The following GRIK2 variants were observed in gnomAD, a reference collection of about 807,000 sequenced individuals.
The protein encoded by GRIK2 is glutamate ionotropic receptor kainate type subunit 2.
A neutral mutation model predicts 100.3 loss-of-function variants in GRIK2; 32 were observed. The ratio of observed to expected loss-of-function variants is 0.32; its 90% CI spans 0.24 to 0.43. GRIK2 has a LOEUF of 0.43. GRIK2 is among the 20% of genes least tolerant of loss of function. The pLI is 1.00. For missense variants in GRIK2, 843 were observed against 1,114.9 expected (o/e 0.76, Z 3.47); for synonymous variants, 417 against 389.4 (o/e 1.07, Z -0.83).
At position 101,928,397 on chromosome 6, in the gene GRIK2, T is replaced by TC. The variant is rs767777283; in HGVS notation, c.1868-13dup. ...AAATTCTCTATATTCGTTTCACCTTTCCCCCACTCTCTGTTAGGTTCTGAG... is the reference window on the plus strand; with the variant it reads ...AAATTCTCTATATTCGTTTCACCTTTCCCCCCACTCTCTGTTAGGTTCTGAG... On this transcript the variant is annotated splice_polypyrimidine_tract_variant and intron_variant, in intron 13 of 16. Transcript: ENST00000369134. 6 of 1,282,846 alleles carry TC rather than the reference T, an allele frequency of 4.7e-6. No homozygotes were observed. In the Admixed American group the frequency reaches 6.7e-5, roughly 14 times the overall value. 79.5% of individuals were successfully genotyped at this position (1,282,846 alleles called of 1,614,324 possible). A position where few individuals can be genotyped will look rare whatever the true frequency, so the allele number is the denominator to read the frequency against.
chr6:101,784,999 C>T (rs62419279), intron 7 of GRIK2, among the ~76,000 whole-genome samples: 7,024 of 152,102 alleles, frequency 0.046, 223 homozygotes, highest in Middle Eastern at 0.072. Context: ...TATTCAAACT[C>T]GGGTTAGATG....
At chr6:101,598,789 A>G (rs975439253) in intron 2 of GRIK2, among the ~76,000 whole-genome samples, 3 of 151,574 alleles carry the variant, frequency 2.0e-5, no homozygotes, top group African/African-American at 2.4e-5. Context: ...TTTTAACACC[A>G]GAGGCTATTA....
Position 101,850,311 on chromosome 6 carries a change from G to A in GRIK2, c.1318-8976G>A, listed in dbSNP as rs140897339. On this transcript the variant is annotated intron_variant, in intron 10 of 16. Transcript: ENST00000369134. ...TTCAGTGTTGTATACCTAGCACCTG[G>A]AAGAGTGTTGGGACAGAGTAAGAGT... 2.4e-3 allele frequency among the ~76,000 whole-genome samples: 370 copies of A among 152,084 alleles called. 3 individuals carry two copies. The highest frequency in any genetic ancestry group is 7.7e-3 in the African/African-American group (321 of 41,540).
At chr6:101,420,695 G>A (rs1028984471) in intron 2 of GRIK2, among the ~76,000 whole-genome samples, 3 of 152,122 alleles carry the variant, frequency 2.0e-5, no homozygotes, top group Non-Finnish European at 2.9e-5. Flanking sequence ...TCTGTGTCAG[G>A]TGCTGTGTGA....
At chr6:101,910,044 ACT>A (rs1394352394) in intron 12 of GRIK2, among the ~76,000 whole-genome samples, 3 of 150,840 alleles carry the variant, frequency 2.0e-5, no homozygotes, top group African/African-American at 7.3e-5. Flanking sequence ...TATTATTAAA[ACT>A]CTTAGTATAT....
intron 14 of GRIK2, among the ~76,000 whole-genome samples, chr6:101,994,324 T>A (rs537293516): frequency 6.6e-6 from 1 of 151,784 alleles, no homozygotes; most frequent in Non-Finnish European, 1.5e-5. Context: ...TACATAATGT[T>A]ATACATAGCA....
At chr6:101,890,944 T>TAA (rs1787014985) in intron 12 of GRIK2, among the ~76,000 whole-genome samples, 1 of 150,826 alleles carries the variant, frequency 6.6e-6, no homozygotes, top group African/African-American at 2.4e-5. Flanking sequence ...ACACATAATT[T>TAA]TTCATGGAGA....
chr6:101,572,150 AT>A (rs1777570178), intron 2 of GRIK2, among the ~76,000 whole-genome samples: 1 of 151,974 alleles, frequency 6.6e-6, no homozygotes, highest in Non-Finnish European at 1.5e-5. Context: ...TTGCTTTTTT[AT>A]TTTAATAAAA....
chr6:101,733,075 A>G (rs907324088), intron 7 of GRIK2, among the ~76,000 whole-genome samples: 1 of 152,130 alleles, frequency 6.6e-6, no homozygotes, highest in Admixed American at 6.6e-5. Context: ...AGAAGACTCA[A>G]GTCAGTCAAT....
intron 11 of GRIK2, 24 bp downstream of exon 11, chr6:101,859,517 ATTAG>A (rs1562444735): frequency 7.4e-7 from 1 of 1,348,446 alleles, no homozygotes; most frequent in East Asian, 2.3e-5. Flanking sequence ...CTCATGATTT[ATTAG>A]TTTGTTATGT....
At chr6:101,745,725 C>G (rs893425370) in intron 7 of GRIK2, among the ~76,000 whole-genome samples, 1 of 152,054 alleles carries the variant, frequency 6.6e-6, no homozygotes, top group African/African-American at 2.4e-5. Flanking sequence ...TCAGGGTGCT[C>G]TCCCTGCAGC....
At chr6:101,488,923 A>G (rs1772965553) in intron 2 of GRIK2, among the ~76,000 whole-genome samples, 1 of 146,226 alleles carries the variant, frequency 6.8e-6, no homozygotes, top group African/African-American at 2.6e-5. Flanking sequence ...GGATCTCACA[A>G]GTTATATGCA....
At chr6:101,446,356 A>C (rs759443800) in intron 2 of GRIK2, among the ~76,000 whole-genome samples, 6 of 151,936 alleles carry the variant, frequency 3.9e-5, no homozygotes, top group Non-Finnish European at 5.9e-5. Context: ...CTTTTTATCT[A>C]TGCAGCTCAT....
At chr6:101,883,775 ATGTGTACACTCACT>A (rs961244026) in intron 11 of GRIK2, among the ~76,000 whole-genome samples, 1 of 152,134 alleles carries the variant, frequency 6.6e-6, no homozygotes. Context: ...GGAAAAAGGA[ATGTGTACACTCACT>A]TGAGGATTAG....
intron 7 of GRIK2, among the ~76,000 whole-genome samples, chr6:101,736,043 G>A (rs573534826): frequency 1.8e-4 from 27 of 151,996 alleles, no homozygotes; most frequent in African/African-American, 6.0e-4. Flanking sequence ...CCAAAATCTG[G>A]TGGGGCAGTC....
chr6:101,926,279 T>G (rs1299032805), intron 13 of GRIK2, among the ~76,000 whole-genome samples: 1 of 148,564 alleles, frequency 6.7e-6, no homozygotes, highest in Non-Finnish European at 1.5e-5. Flanking sequence ...ATAACAGAAG[T>G]GAATGAAAAA....
intron 6 of GRIK2, among the ~76,000 whole-genome samples, chr6:101,684,241 A>G (rs745343157): frequency 9.4e-4 from 143 of 152,200 alleles, no homozygotes; most frequent in Non-Finnish European, 1.5e-3. Flanking sequence ...CAGTGCTGTT[A>G]CAACTCAGCA....
At chr6:101,950,010 A>C (rs1791515105) in intron 14 of GRIK2, among the ~76,000 whole-genome samples, 1 of 152,172 alleles carries the variant, frequency 6.6e-6, no homozygotes, top group South Asian at 2.1e-4. Flanking sequence ...AGAAATGAGA[A>C]AATGAGAAAT....
intron 14 of GRIK2, among the ~76,000 whole-genome samples, chr6:101,973,030 C>G (rs1403089698): frequency 6.6e-6 from 1 of 151,750 alleles, no homozygotes; most frequent in African/African-American, 2.4e-5. Context: ...GCTCTCTGGG[C>G]TCCAAAATCT....
Sources: gnomAD v4.1 joint callset for allele counts (sites outside exome capture counted in the v4.1 genomes callset) on GRCh38, gnomAD v4.1.1 for gene constraint, MANE v1.5 for transcripts, NCBI Gene and HGNC (gene_info 2026-07-23, HGNC 2026-07-21) for gene names.